The following CCDC18 variants were observed in gnomAD, a reference collection of about 807,000 sequenced individuals.
CCDC18 encodes the protein coiled-coil domain-containing protein 18.
A neutral mutation model predicts 196.0 loss-of-function variants in CCDC18; 157 were observed. The ratio of observed to expected loss-of-function variants is 0.80; its 90% CI spans 0.70 to 0.91. The LOEUF is 0.91. Ranked by LOEUF, CCDC18 falls within the 40% of genes least tolerant of loss-of-function variation. CCDC18 has a pLI of 0.00. For synonymous variants in CCDC18, 482 were observed against 529.2 expected, an observed-to-expected ratio of 0.91 and a Z score of 1.22; for missense variants, 1,465 against 1,611.6, an observed-to-expected ratio of 0.91 and a Z score of 1.56.
intron 21 of CCDC18, among the ~76,000 whole-genome samples, chr1:93,244,608 C>G (rs1439945122): frequency 6.6e-6 from 1 of 151,982 alleles, no homozygotes; most frequent in Non-Finnish European, 1.5e-5. Context: ...TTGTGGGGGA[C>G]TGATGGAAAA....
chr1:93,222,068 C>G, intron 16 of CCDC18, 132 bp downstream of exon 16: 1 of 579,524 alleles, frequency 1.7e-6, no homozygotes, highest in Non-Finnish European at 3.0e-6. Flanking sequence ...CTCCTGAGCT[C>G]AAGTAATCCT....
At chr1:93,270,877 T>C in intron 28 of CCDC18, 63 bp downstream of exon 28, 1 of 1,378,016 alleles carries the variant, frequency 7.3e-7, no homozygotes, top group Non-Finnish European at 9.5e-7. Flanking sequence ...TTTTATTACT[T>C]GGAAGAAAAT....
chr1:93,181,774 C>T (rs557600917), intron 1 of CCDC18, among the ~76,000 whole-genome samples: 1 of 152,236 alleles, frequency 6.6e-6, no homozygotes, highest in African/African-American at 2.4e-5. Context: ...GCCACCACCC[C>T]CGGCTAATTT....
At chr1:93,224,094 T>A (rs149243070) in intron 16 of CCDC18, among the ~76,000 whole-genome samples, 317 of 152,318 alleles carry the variant, frequency 2.1e-3, no homozygotes, top group African/African-American at 7.3e-3. Flanking sequence ...TCTAATTTAT[T>A]TTTTAAAATT....
intron 28 of CCDC18, chr1:93,271,623 C>A: frequency 1.2e-6 from 1 of 865,080 alleles, no homozygotes; most frequent in Non-Finnish European, 1.4e-6. Context: ...TTATTTGAGC[C>A]CAGGAGTTTG....
rs1240467166 is a variant in CCDC18 at position 93,278,445 on chromosome 1, T to C, written c.4354-18T>C. ...AGGAATATTTCAAATATTAATCTAT[T>C]ATTTTGCATTATTCTAGGGAGAAAA... On this transcript the variant is annotated intron_variant, in intron 28 of 28. Coordinates refer to ENST00000690025, the MANE Select transcript of CCDC18 (RefSeq NM_001378204.1). 15 of 1,056,968 alleles carry C rather than the reference T, an allele frequency of 1.4e-5. No individual in the cohort carries two copies. Among genetic ancestry groups the C allele is most frequent in the Non-Finnish European group, 2.0e-5 (15 of 749,902 alleles). 65.5% of individuals were successfully genotyped at this position (1,056,968 alleles called of 1,614,324 possible).
intron 14 of CCDC18, among the ~76,000 whole-genome samples, chr1:93,218,898 G>C (rs766184835): frequency 6.6e-6 from 1 of 152,158 alleles, no homozygotes; most frequent in Admixed American, 6.5e-5. Context: ...GCTTTGGATG[G>C]TATCTTTTCT....
chr1:93,252,941 G>C (rs75350619), intron 23 of CCDC18, among the ~76,000 whole-genome samples: 1 of 152,222 alleles, frequency 6.6e-6, no homozygotes, highest in African/African-American at 2.4e-5. Context: ...GTCAAGTTGC[G>C]TACTAAGGCT....
At chr1:93,234,934 A>AGTGTGTGTGTGTGTGT (rs759186009) in intron 18 of CCDC18, among the ~76,000 whole-genome samples, 1,503 of 67,744 alleles carry the variant, frequency 0.022, 23 homozygotes, top group East Asian at 0.04. Flanking sequence ...TGCCCAGCTA[A>AGTGTGTGTGTGTGTGT]GAGTGTGTGT....
At chr1:93,196,016 T>C (rs541512077) in intron 6 of CCDC18, among the ~76,000 whole-genome samples, 3 of 152,096 alleles carry the variant, frequency 2.0e-5, no homozygotes, top group Non-Finnish European at 4.4e-5. Flanking sequence ...ACCTAAAACA[T>C]AAGGACACAG....
chr1:93,260,819 C>A (rs1663687165), intron 26 of CCDC18, among the ~76,000 whole-genome samples: 1 of 152,040 alleles, frequency 6.6e-6, no homozygotes, highest in South Asian at 2.1e-4. Context: ...CTCCCTAGGT[C>A]TATGTGTTCT....
chr1:93,197,927 A>G (rs925740871), intron 6 of CCDC18, among the ~76,000 whole-genome samples: 3 of 151,298 alleles, frequency 2.0e-5, no homozygotes, highest in African/African-American at 2.4e-5. Context: ...AATTTTTTGT[A>G]TTTTTAGTAG....
intron 3 of CCDC18, among the ~76,000 whole-genome samples, chr1:93,184,652 T>G (rs749113888): frequency 5.3e-5 from 8 of 151,934 alleles, no homozygotes; most frequent in Admixed American, 1.3e-4. Context: ...TCCCTGCATT[T>G]ATCCCTCTTC....
intron 21 of CCDC18, among the ~76,000 whole-genome samples, chr1:93,245,292 A>G (rs767354367): frequency 6.6e-6 from 1 of 152,196 alleles, no homozygotes; most frequent in Non-Finnish European, 1.5e-5. Flanking sequence ...ATTTCATACT[A>G]TTTTTAGAAT....
chr1:93,228,623 T>C (rs568084958), intron 17 of CCDC18, among the ~76,000 whole-genome samples: 1 of 152,028 alleles, frequency 6.6e-6, no homozygotes, highest in Non-Finnish European at 1.5e-5. Context: ...CTCCAATACA[T>C]AGAAACTAAA....
rs1200290569 is a variant in CCDC18 at position 93,184,137 on chromosome 1, A to G, written c.294A>G (p.Pro98=). ...GCAGCACTGATTTTCAAAAAAAGCC[A>G]AGAGATAAGGTTATTGTTTTTAGAC... The part of the protein sequence containing the change: ...SGSSTDFQKK[P]RDKMFSSSAP... Residue 98 remains proline, a synonymous_variant, in exon 3 of 29, where the codon CCA becomes CCG. Coordinates refer to ENST00000690025, the MANE Select transcript of CCDC18 (RefSeq NM_001378204.1). 3 of 1,517,340 alleles carry G rather than the reference A, an allele frequency of 2.0e-6. No homozygotes were observed. The highest frequency in any genetic ancestry group is 1.8e-5 in the Admixed American group (1 of 55,062). The allele number at this position is 1,517,340 out of a possible 1,614,324, so 94.0% of individuals were successfully genotyped here.
rs1031865887 is a variant in CCDC18 at position 93,222,055 on chromosome 1, G to C, written c.2175+119G>C. 30 of 623,638 alleles carry C rather than the reference G, an allele frequency of 4.8e-5. No homozygotes were observed. In the Admixed American group the frequency reaches 7.7e-4, roughly 16 times the overall value. 38.6% of individuals were successfully genotyped at this position (623,638 alleles called of 1,614,324 possible). The stretch of plus-strand genomic sequence containing the variant: ...CATGATGATAACTCACTGCAACCTT[G>C]AACTCCTGAGCTCAAGTAATCCTCC... On this transcript the variant is annotated intron_variant, in intron 16 of 28. Coordinates refer to ENST00000690025, the MANE Select transcript of CCDC18 (RefSeq NM_001378204.1).
chr1:93,199,536 T>G (rs1653445081), intron 6 of CCDC18, among the ~76,000 whole-genome samples: 1 of 152,222 alleles, frequency 6.6e-6, no homozygotes, highest in Non-Finnish European at 1.5e-5. Context: ...GGGCTGTAGC[T>G]CTTCTCTCCT....
At chr1:93,221,185 A>T (rs1657381916) in intron 14 of CCDC18, among the ~76,000 whole-genome samples, 2 of 152,176 alleles carry the variant, frequency 1.3e-5, no homozygotes, top group Non-Finnish European at 2.9e-5. Flanking sequence ...TTCTGCCTCT[A>T]GGTCTTTGAG....
Sources: allele counts gnomAD v4.1 joint callset (sites outside exome capture counted in the v4.1 genomes callset), GRCh38; gene constraint gnomAD v4.1.1; transcripts MANE v1.5; gene names NCBI Gene and HGNC (gene_info 2026-07-23, HGNC 2026-07-21).